CSMD1: variants seen among roughly 807,000 people sequenced by gnomAD.
CSMD1 encodes CUB and Sushi multiple domains 1.
CSMD1 carries 213 observed loss-of-function variants against 417.5 expected under a neutral mutation model. That is an observed-to-expected ratio of 0.51 (90% confidence interval 0.46 to 0.57). The LOEUF (loss-of-function observed/expected upper bound fraction) is 0.57, where lower values mean the gene tolerates loss of function less well. Ranked by LOEUF, CSMD1 falls within the 20% of genes least tolerant of loss-of-function variation. The probability of loss-of-function intolerance (pLI) is 0.00; values close to 1 mark genes in which losing one functional copy is unlikely to be tolerated. For synonymous variants in CSMD1, 2,862 were observed against 1,736.8 expected (o/e 1.65, Z -16.11); for missense variants, 6,923 against 4,529.7 (o/e 1.53, Z -15.17).
intron 12 of CSMD1, among the ~76,000 whole-genome samples, chr8:3,423,926 C>T (rs930859367): frequency 3.3e-5 from 5 of 152,134 alleles, no homozygotes; most frequent in African/African-American, 1.2e-4. Context: ...AAACACACAC[C>T]TCAATTATTT....
intron 10 of CSMD1, among the ~76,000 whole-genome samples, chr8:3,566,788 G>T (rs1269132402): frequency 1.3e-5 from 2 of 152,184 alleles, no homozygotes; most frequent in African/African-American, 4.8e-5. Context: ...ACAGATGCTG[G>T]TGAGGTTGTG....
At position 4,142,943 on chromosome 8, in the gene CSMD1, A is replaced by C. The variant is rs565382837; in HGVS notation, c.416-110844T>G. Among the ~76,000 whole-genome samples the C allele has an allele frequency of 1.7e-4, 25 of 151,078 alleles. 2 individuals carry two copies. The highest frequency in any genetic ancestry group is 1.3e-3 in the Admixed American group (20 of 15,214). ...TCATATGTTGAAGTATTTGCATCATAAACAGAAATACCCAGAAACTATCAG... is the reference window on the plus strand; with the variant it reads ...TCATATGTTGAAGTATTTGCATCATCAACAGAAATACCCAGAAACTATCAG... On this transcript the variant is annotated intron_variant, in intron 3 of 69. Coordinates refer to ENST00000635120, the MANE Select transcript of CSMD1 (RefSeq NM_033225.6).
intron 3 of CSMD1, among the ~76,000 whole-genome samples, chr8:4,158,559 G>A (rs1015771408): frequency 5.3e-5 from 8 of 152,118 alleles, no homozygotes; most frequent in African/African-American, 1.9e-4. Context: ...TGTGTCCTAG[G>A]TTCACTATGA....
At chr8:4,162,362 G>C (rs1797224696) in intron 3 of CSMD1, among the ~76,000 whole-genome samples, 1 of 152,076 alleles carries the variant, frequency 6.6e-6, no homozygotes, top group Non-Finnish European at 1.5e-5. Context: ...AGGTAATTTT[G>C]ATGTTCAAAT....
intron 7 of CSMD1, among the ~76,000 whole-genome samples, chr8:3,701,020 G>C (rs1004382025): frequency 2.0e-5 from 3 of 151,896 alleles, no homozygotes; most frequent in African/African-American, 7.3e-5. Context: ...AGAAAGGCTT[G>C]GGATATGTCG....
Position 3,824,263 on chromosome 8 carries a change from A to T in CSMD1, c.819-70221T>A, listed in dbSNP as rs539004786. On this transcript the variant is annotated intron_variant, in intron 5 of 69. Coordinates refer to ENST00000635120, the MANE Select transcript of CSMD1 (RefSeq NM_033225.6). ...AAAAAAACAAAAACCAAAAAAAAAA[A>T]ACTGCTGACTCTTTCACTTAATTCG... Among the ~76,000 whole-genome samples, 201 of 152,282 alleles carry T rather than the reference A, an allele frequency of 1.3e-3. 1 individual carries two copies. The highest frequency in any genetic ancestry group is 4.6e-3 in the African/African-American group (191 of 41,542).
chr8:4,266,102 G>A (rs1804211736), intron 3 of CSMD1, among the ~76,000 whole-genome samples: 1 of 103,058 alleles, frequency 9.7e-6, no homozygotes, highest in Admixed American at 9.3e-5. Flanking sequence ...CATATTAGCT[G>A]ATATTGATCA....
intron 1 of CSMD1, among the ~76,000 whole-genome samples, chr8:4,802,096 A>T (rs1798319912): frequency 6.6e-6 from 1 of 152,238 alleles, no homozygotes; most frequent in Non-Finnish European, 1.5e-5. Flanking sequence ...GAAAATATTA[A>T]GTGTCCACAG....
intron 1 of CSMD1, among the ~76,000 whole-genome samples, chr8:4,954,721 A>C (rs975783519): frequency 1.3e-5 from 2 of 152,202 alleles, no homozygotes; most frequent in African/African-American, 4.8e-5. Context: ...GCACCATGGA[A>C]ATATGCAGAG....
At chr8:4,072,400 A>C (rs1799606452) in intron 3 of CSMD1, among the ~76,000 whole-genome samples, 1 of 152,164 alleles carries the variant, frequency 6.6e-6, no homozygotes, top group Non-Finnish European at 1.5e-5. Flanking sequence ...CATTCTATGT[A>C]CCAAGCATTT....
chr8:4,544,094 A>T (rs1797531337), intron 2 of CSMD1, among the ~76,000 whole-genome samples: 1 of 152,050 alleles, frequency 6.6e-6, no homozygotes, highest in Admixed American at 6.6e-5. Flanking sequence ...TTCTTTTAAC[A>T]TTGTCTTTCT....
chr8:3,288,118 T>A (rs1021127228), intron 25 of CSMD1, among the ~76,000 whole-genome samples: 1 of 147,530 alleles, frequency 6.8e-6, no homozygotes, highest in East Asian at 2.0e-4. Flanking sequence ...TCGATTTTCA[T>A]TTGTTGAACA....
At chr8:4,823,778 G>C (rs1017969044) in intron 1 of CSMD1, among the ~76,000 whole-genome samples, 2 of 152,006 alleles carry the variant, frequency 1.3e-5, no homozygotes. Flanking sequence ...GGCAGTGTGT[G>C]CACAAGTGTC....
chr8:3,994,718 A>G (rs1433529574), intron 5 of CSMD1, among the ~76,000 whole-genome samples: 3 of 152,188 alleles, frequency 2.0e-5, no homozygotes, highest in Admixed American at 2.0e-4. Flanking sequence ...ATTTTGGCAC[A>G]TGACATCATC....
At chr8:4,347,443 C>G (rs542344031) in intron 3 of CSMD1, among the ~76,000 whole-genome samples, 12 of 152,256 alleles carry the variant, frequency 7.9e-5, no homozygotes, top group African/African-American at 2.9e-4. Flanking sequence ...GCCAAACACA[C>G]ACAAGAGCTT....
At chr8:4,148,216 T>C (rs75550952) in intron 3 of CSMD1, among the ~76,000 whole-genome samples, 3,729 of 147,312 alleles carry the variant, frequency 0.025, 70 homozygotes, top group Non-Finnish European at 0.038. Flanking sequence ...TAAGTTGCTA[T>C]AGACTGGGCA....
Position 3,355,345 on chromosome 8 carries a change from T to A in CSMD1, c.3304+3807A>T, listed in dbSNP as rs190090068. On this transcript the variant is annotated intron_variant, in intron 21 of 69. Coordinates refer to ENST00000635120, the MANE Select transcript of CSMD1 (RefSeq NM_033225.6). ...TAGGTTATGGAATTATAGCAAACAT[T>A]TATCTCCATCATATATACTCTCTAA... Among the ~76,000 whole-genome samples the A allele has an allele frequency of 2.6e-5, 4 of 152,300 alleles. No individual in the cohort carries two copies. The East Asian group carries it at 7.7e-4, about 29-fold the overall frequency.
rs183826217 is a variant in CSMD1 at position 4,050,538 on chromosome 8, C to T, written c.416-18439G>A. ...CATCCTGGAGGGGTAAATCTTTAAG[C>T]ATTTATTCTTCATGTTACAAACAAT... is the stretch of plus-strand genomic sequence containing the variant. On this transcript the variant is annotated intron_variant, in intron 3 of 69. Coordinates refer to ENST00000635120, the MANE Select transcript of CSMD1 (RefSeq NM_033225.6). 1.3e-3 allele frequency among the ~76,000 whole-genome samples: 200 copies of T among 152,082 alleles called. 1 individual carries two copies. Among genetic ancestry groups the T allele is most frequent in the African/African-American group, 4.5e-3 (186 of 41,494 alleles).
chr8:4,819,417 A>G (rs989436454), intron 1 of CSMD1, among the ~76,000 whole-genome samples: 6 of 151,836 alleles, frequency 4.0e-5, no homozygotes, highest in African/African-American at 1.2e-4. Context: ...CAAGCTTCAT[A>G]GAGCAAATAA....
Sources: gnomAD v4.1 joint callset for allele counts (sites outside exome capture counted in the v4.1 genomes callset) on GRCh38, gnomAD v4.1.1 for gene constraint, MANE v1.5 for transcripts, NCBI Gene and HGNC (gene_info 2026-07-23, HGNC 2026-07-21) for gene names.